The following MCTP2 variants were observed in gnomAD, a reference collection of about 807,000 sequenced individuals.
MCTP2 encodes the protein multiple C2 and transmembrane domain containing 2.
Under a neutral mutation model 111.6 loss-of-function variants are expected in MCTP2, and 132 were observed. The ratio of observed to expected loss-of-function variants is 1.18; its 90% CI spans 1.03 to 1.37. The LOEUF (loss-of-function observed/expected upper bound fraction) is 1.37, where lower values mean the gene tolerates loss of function less well. Ranked by LOEUF, MCTP2 falls within the 40% of genes most tolerant of loss-of-function variation. The pLI is 0.00. For missense variants in MCTP2, 1,183 were observed against 1,067.9 expected, an observed-to-expected ratio of 1.11 and a Z score of -1.50; for synonymous variants, 395 against 387.7, an observed-to-expected ratio of 1.02 and a Z score of -0.22.
intron 2 of MCTP2, among the ~76,000 whole-genome samples, chr15:94,307,069 A>T (rs1055681535): frequency 1.3e-5 from 2 of 152,218 alleles, no homozygotes; most frequent in Admixed American, 1.3e-4. Flanking sequence ...TCATGGGCTC[A>T]GTCTCGCTGT....
intron 17 of MCTP2, chr15:94,402,393 A>C (rs955161930): frequency 4.0e-6 from 6 of 1,509,638 alleles, no homozygotes; most frequent in Non-Finnish European, 5.3e-6. Flanking sequence ...TTACATTTTA[A>C]GTAAATTATT....
At chr15:94,286,338 C>A (rs2074753516) in intron 1 of MCTP2, among the ~76,000 whole-genome samples, 1 of 151,688 alleles carries the variant, frequency 6.6e-6, no homozygotes, top group Non-Finnish European at 1.5e-5. Flanking sequence ...TATTATTGAC[C>A]CTATTTTTGT....
intron 1 of MCTP2, among the ~76,000 whole-genome samples, chr15:94,276,044 C>A (rs1441670008): frequency 6.6e-6 from 1 of 152,030 alleles, no homozygotes; most frequent in East Asian, 1.9e-4. Context: ...TGGGATTTCA[C>A]CGTGTTAGCC....
intron 21 of MCTP2, 23 bp downstream of exon 21, chr15:94,470,465 G>C: frequency 6.9e-7 from 1 of 1,444,526 alleles, no homozygotes; most frequent in Non-Finnish European, 9.8e-7. Context: ...TGGTCCTTTT[G>C]CTAGCAATCA....
At chr15:94,245,232 GTATGTATATATACACATATGTA>G (rs2071749827) in intron 1 of MCTP2, among the ~76,000 whole-genome samples, 1 of 136,756 alleles carries the variant, frequency 7.3e-6, no homozygotes, top group Admixed American at 7.4e-5. Flanking sequence ...ATATACATAT[GTATGTATATATACACATATGTA>G]TATATACATA....
intron 1 of MCTP2, among the ~76,000 whole-genome samples, chr15:94,244,270 A>T (rs181556504): frequency 1.6e-4 from 23 of 144,928 alleles, no homozygotes; most frequent in Non-Finnish European, 3.2e-4. Context: ...ATATTTATAT[A>T]CACACATATA....
chr15:94,290,661 T>G (rs1310366508), intron 1 of MCTP2, among the ~76,000 whole-genome samples: 1 of 152,140 alleles, frequency 6.6e-6, no homozygotes, highest in African/African-American at 2.4e-5. Context: ...CATAAGAAAC[T>G]CACTTCAAAT....
chr15:94,363,661 C>CT (rs2079047456), intron 10 of MCTP2, among the ~76,000 whole-genome samples: 1 of 152,098 alleles, frequency 6.6e-6, no homozygotes, highest in Admixed American at 6.5e-5. Flanking sequence ...TTCCTAGACA[C>CT]TAACACAGCA....
chr15:94,298,870 C>T, intron 2 of MCTP2, 140 bp downstream of exon 2: 1 of 356,502 alleles, frequency 2.8e-6, no homozygotes, highest in Non-Finnish European at 4.7e-6. Flanking sequence ...CCCTCTCTCT[C>T]TCCCCCTCCC....
At chr15:94,412,384 G>A (rs1322566262) in intron 17 of MCTP2, among the ~76,000 whole-genome samples, 3 of 152,008 alleles carry the variant, frequency 2.0e-5, no homozygotes, top group East Asian at 3.9e-4. Context: ...GTGGTAACAT[G>A]CCGTAGGGAG....
chr15:94,260,263 T>C (rs1246982248), intron 1 of MCTP2, among the ~76,000 whole-genome samples: 3 of 152,126 alleles, frequency 2.0e-5, no homozygotes, highest in African/African-American at 7.2e-5. Context: ...CATGGTGCAT[T>C]CAGAGGCTCT....
At position 94,436,360 on chromosome 15, in the gene MCTP2, CT is replaced by C. The variant is rs2083474558; in HGVS notation, c.2086-3809del. Among the ~76,000 whole-genome samples the C allele has an allele frequency of 2.0e-5, 3 of 152,162 alleles. No individual in the cohort carries two copies. In the South Asian group the frequency reaches 6.2e-4, roughly 32 times the overall value. On this transcript the variant is annotated intron_variant, in intron 17 of 22. Transcript: ENST00000357742. Reference sequence around the variant, plus strand: ...CTTTGAAGATGCTTAGATAATTAGACTTTTTTTCTAAAAAAAATATTTTTCT... The same window carrying C: ...CTTTGAAGATGCTTAGATAATTAGACTTTTTTCTAAAAAAAATATTTTTCT...
At chr15:94,383,988 T>G in intron 12 of MCTP2, 34 bp from the exon 13 acceptor site, 1 of 1,464,700 alleles carries the variant, frequency 6.8e-7, no homozygotes, top group Non-Finnish European at 9.6e-7. Context: ...CGAGATTCAC[T>G]TGTCTTTGAC....
intron 12 of MCTP2, among the ~76,000 whole-genome samples, chr15:94,379,193 G>A (rs998487279): frequency 1.3e-5 from 2 of 151,944 alleles, no homozygotes; most frequent in African/African-American, 2.4e-5. Context: ...GTGCAGGACC[G>A]GATAGGGCAG....
chr15:94,272,441 T>G (rs2073956095), intron 1 of MCTP2, among the ~76,000 whole-genome samples: 1 of 152,188 alleles, frequency 6.6e-6, no homozygotes, highest in Non-Finnish European at 1.5e-5. Context: ...CAGCCTCTTC[T>G]GCTCGACCTT....
At chr15:94,326,391 A>C (rs1871475260) in intron 4 of MCTP2, among the ~76,000 whole-genome samples, 1 of 152,146 alleles carries the variant, frequency 6.6e-6, no homozygotes, top group African/African-American at 2.4e-5. Context: ...ATATATTTGC[A>C]AGTGAGTTAT....
intron 1 of MCTP2, among the ~76,000 whole-genome samples, chr15:94,281,591 T>C (rs997488699): frequency 1.3e-5 from 2 of 152,000 alleles, no homozygotes; most frequent in African/African-American, 4.8e-5. Context: ...AGGTTTGATC[T>C]TGTTGTTGTG....
chr15:94,442,399 C>G (rs1337452046), intron 18 of MCTP2, among the ~76,000 whole-genome samples: 1 of 152,126 alleles, frequency 6.6e-6, no homozygotes, highest in Non-Finnish European at 1.5e-5. Context: ...CCTCACCTGC[C>G]CCTTCTAACC....
chr15:94,460,883 G>T (rs2085155579), intron 20 of MCTP2, among the ~76,000 whole-genome samples: 1 of 152,236 alleles, frequency 6.6e-6, no homozygotes, highest in African/African-American at 2.4e-5. Flanking sequence ...ATTCAAGTGG[G>T]ATGTCGTGTG....
Sources: gnomAD v4.1 joint callset for allele counts (sites outside exome capture counted in the v4.1 genomes callset) on GRCh38, gnomAD v4.1.1 for gene constraint, MANE v1.5 for transcripts, NCBI Gene and HGNC (gene_info 2026-07-23, HGNC 2026-07-21) for gene names.